Variants in ZNF730 observed in about 807,000 individuals in gnomAD.
ZNF730 encodes the protein zinc finger protein 730, also known as putative zinc finger protein 730.
Under a neutral mutation model 12.6 loss-of-function variants are expected in ZNF730, and 12 were observed. That is an observed-to-expected ratio of 0.95 (90% CI 0.61 to 1.54). The LOEUF is 1.54. Ranked by LOEUF, ZNF730 falls within the 40% of genes most tolerant of loss-of-function variation. The probability of loss-of-function intolerance (pLI) is 0.00; values close to 1 mark genes in which losing one functional copy is unlikely to be tolerated. For missense variants in ZNF730, 643 were observed against 583.5 expected (o/e 1.10, Z -1.05); for synonymous variants, 194 against 195.8 (o/e 0.99, Z 0.08).
chr19:23,104,181 A>T (rs189409738), intron 1 of ZNF730, among the ~76,000 whole-genome samples: 1 of 151,908 alleles, frequency 6.6e-6, no homozygotes, highest in East Asian at 2.0e-4. Context: ...TGGCACCTCT[A>T]GTCTCAGCTA....
At chr19:23,090,619 C>T (rs1390795862) in intron 1 of ZNF730, among the ~76,000 whole-genome samples, 1 of 152,096 alleles carries the variant, frequency 6.6e-6, no homozygotes, top group East Asian at 1.9e-4. Context: ...TGTTAATCCC[C>T]AAGACCATGG....
intron 1 of ZNF730, among the ~76,000 whole-genome samples, chr19:23,082,507 C>T (rs1289598136): frequency 6.6e-6 from 1 of 151,764 alleles, no homozygotes; most frequent in Non-Finnish European, 1.5e-5. Context: ...CCTCCATGCC[C>T]AGCTAATTTT....
At chr19:23,109,896 C>T (rs1970441282) in intron 1 of ZNF730, among the ~76,000 whole-genome samples, 2 of 151,840 alleles carry the variant, frequency 1.3e-5, no homozygotes, top group Non-Finnish European at 1.5e-5. Context: ...ATCTAATTGT[C>T]ATAATTATGG....
Position 23,086,160 on chromosome 19 carries a change from G to A in ZNF730, c.-94+10773G>A, listed in dbSNP as rs115541083. Among the ~76,000 whole-genome samples the A allele has an allele frequency of 3.2e-3, 481 of 152,196 alleles. 4 individuals are homozygous for A. The highest frequency in any genetic ancestry group is 8.9e-3 in the African/African-American group (368 of 41,528). On this transcript the variant is annotated intron_variant, in intron 1 of 2. Coordinates refer to the ZNF730 transcript ENST00000593635. ...GCCCGGCCCCACCCAATTTTTAATG[G>A]AGTTGTTTATGTCTTGTAAATTTGT...
At chr19:23,117,018 T>A, upstream of ZNF730, 1 of 1,159,504 alleles carries the variant, frequency 8.6e-7, no homozygotes, top group South Asian at 2.2e-5. Context: ...TTCCGGGATT[T>A]GGCGCGGCCT....
chr19:23,128,660 G>C (rs960658491), intron 1 of ZNF730: 1 of 157,932 alleles, frequency 6.3e-6, no homozygotes, highest in African/African-American at 2.4e-5. Flanking sequence ...CTTGGGTTCT[G>C]TTAAGGGCAT....
intron 1 of ZNF730, among the ~76,000 whole-genome samples, chr19:23,085,230 A>G (rs369291231): frequency 2.5e-4 from 38 of 152,210 alleles, no homozygotes; most frequent in African/African-American, 7.5e-4. Flanking sequence ...GCTTTCTTTC[A>G]GATGATTTTG....
Position 23,117,098 on chromosome 19 carries a change from A to G in ZNF730, c.-76A>G. The G allele has an allele frequency of 6.2e-7, 1 of 1,609,884 alleles. No homozygotes were observed. Among genetic ancestry groups the G allele is most frequent in the Non-Finnish European group, 8.5e-7 (1 of 1,176,772 alleles). The stretch of plus-strand genomic sequence containing the variant: ...TTGTGTCCTCTGCACGTAGAAGCCC[A>G]GCCTGTGTGGCCCTGCGACCTGCGG... On this transcript the variant is annotated 5_prime_UTR_variant, in exon 1 of 4. Coordinates refer to ENST00000597761, the MANE Select transcript of ZNF730 (RefSeq NM_001277403.2).
intron 2 of ZNF730, among the ~76,000 whole-genome samples, chr19:23,135,058 A>C (rs1370622868): frequency 7.6e-6 from 1 of 130,854 alleles, no homozygotes; most frequent in Non-Finnish European, 1.6e-5. Flanking sequence ...CCACTCCCTA[A>C]TCTTAAGTAC....
At chr19:23,086,345 G>T (rs1330357171) in intron 1 of ZNF730, among the ~76,000 whole-genome samples, 3 of 152,046 alleles carry the variant, frequency 2.0e-5, no homozygotes, top group African/African-American at 7.2e-5. Context: ...TATTGTGATT[G>T]CTTTGGCATC....
intron 1 of ZNF730, among the ~76,000 whole-genome samples, chr19:23,094,197 T>C (rs576644468): frequency 1.1e-4 from 17 of 152,220 alleles, no homozygotes; most frequent in Non-Finnish European, 2.2e-4. Flanking sequence ...CCACAGTACA[T>C]TGAATTGCTG....
intron 1 of ZNF730, among the ~76,000 whole-genome samples, chr19:23,129,765 G>A (rs917012637): frequency 1.3e-5 from 2 of 151,902 alleles, no homozygotes; most frequent in Non-Finnish European, 2.9e-5. Context: ...AGGCCGAGAC[G>A]GGTGGATCAC....
chr19:23,107,077 T>TC (rs1350786543), intron 1 of ZNF730, among the ~76,000 whole-genome samples: 2 of 151,142 alleles, frequency 1.3e-5, no homozygotes, highest in African/African-American at 2.4e-5. Flanking sequence ...GTTTTTGTTT[T>TC]TTTTTTTTTG....
At chr19:23,077,705 G>GT (rs745888548) in intron 1 of ZNF730, among the ~76,000 whole-genome samples, 1 of 152,100 alleles carries the variant, frequency 6.6e-6, no homozygotes, top group East Asian at 1.9e-4. Flanking sequence ...GCCTCCCAAA[G>GT]TGCTGGGGTT....
intron 1 of ZNF730, among the ~76,000 whole-genome samples, chr19:23,130,102 C>A (rs1970728983): frequency 6.6e-6 from 1 of 151,820 alleles, no homozygotes; most frequent in Admixed American, 6.6e-5. Context: ...TATGGTTTTG[C>A]TGTGTCCCCA....
Position 23,135,985 on chromosome 19 carries a change from G to A in ZNF730, c.168G>A (p.Leu56=), listed in dbSNP as rs747479066. The A allele has an allele frequency of 2.2e-5, 35 of 1,608,588 alleles. No homozygotes were observed. Among genetic ancestry groups the A allele is most frequent in the Non-Finnish European group, 2.5e-5 (30 of 1,177,622 alleles). ...CAAAGCCAGACCTGATCACCTGTCTGGAGCAAGAAAAAGAGCCTTGGAATT... is the reference window on the plus strand; with the variant it reads ...CAAAGCCAGACCTGATCACCTGTCTAGAGCAAGAAAAAGAGCCTTGGAATT... ...AVSKPDLITC[L]EQEKEPWNLK... The change falls in exon 3 of 4, where the codon CTG becomes CTA. Residue 56 remains leucine (L), a synonymous_variant. Coordinates refer to ENST00000597761, the MANE Select transcript of ZNF730 (RefSeq NM_001277403.2).
chr19:23,101,147 A>T (rs907144985), intron 1 of ZNF730, among the ~76,000 whole-genome samples: 1 of 152,206 alleles, frequency 6.6e-6, no homozygotes, highest in African/African-American at 2.4e-5. Context: ...TGAAACTATC[A>T]TAAGAGAACA....
intron 1 of ZNF730, among the ~76,000 whole-genome samples, chr19:23,082,201 C>T (rs974050922): frequency 6.6e-6 from 1 of 152,142 alleles, no homozygotes; most frequent in Non-Finnish European, 1.5e-5. Flanking sequence ...CTGGTGACAC[C>T]TGTTGTATTC....
chr19:23,130,874 C>T (rs890938785), intron 1 of ZNF730, among the ~76,000 whole-genome samples: 4 of 152,072 alleles, frequency 2.6e-5, no homozygotes, highest in African/African-American at 9.7e-5. Context: ...CAGATTTACC[C>T]CTTTTGAAGG....
Sources: gnomAD v4.1 joint callset for allele counts (sites outside exome capture counted in the v4.1 genomes callset) on GRCh38, gnomAD v4.1.1 for gene constraint, MANE v1.5 for transcripts, NCBI Gene and HGNC (gene_info 2026-07-23, HGNC 2026-07-21) for gene names.